ALG6: variants seen among roughly 807,000 people sequenced by gnomAD.
ALG6 encodes the protein ALG6 alpha-1,3-glucosyltransferase.
A neutral mutation model predicts 66.6 loss-of-function variants in ALG6; 46 were observed. The ratio of observed to expected loss-of-function variants is 0.69; its 90% CI spans 0.55 to 0.88. The LOEUF (loss-of-function observed/expected upper bound fraction) is 0.88. Among genes scored for constraint, ALG6 ranks in the 40% least tolerant of loss-of-function variants. The pLI is 0.00. For missense variants in ALG6, 505 were observed against 586.8 expected (o/e 0.86, Z 1.44); for synonymous variants, 185 against 203.7 (o/e 0.91, Z 0.78).
chr1:63,409,670 G>A (rs992508600), intron 7 of ALG6, among the ~76,000 whole-genome samples: 1 of 151,532 alleles, frequency 6.6e-6, no homozygotes, highest in African/African-American at 2.4e-5. Context: ...CTTTCATTTC[G>A]ATTCTTTTTC....
intron 2 of ALG6, among the ~76,000 whole-genome samples, chr1:63,382,174 A>T (rs1396385405): frequency 2.7e-5 from 4 of 150,372 alleles, no homozygotes; most frequent in Non-Finnish European, 4.4e-5. Context: ...TAAAAATTTT[A>T]TTTATATTTT....
At chr1:63,384,975 A>G (rs562597038) in intron 2 of ALG6, among the ~76,000 whole-genome samples, 1 of 152,202 alleles carries the variant, frequency 6.6e-6, no homozygotes, top group South Asian at 2.1e-4. Context: ...TTGTGGTTCC[A>G]TATAAATTTT....
intron 2 of ALG6, among the ~76,000 whole-genome samples, chr1:63,388,204 C>T (rs1467152655): frequency 7.2e-5 from 11 of 152,056 alleles, no homozygotes; most frequent in Admixed American, 7.2e-4. Flanking sequence ...CAGGCATGAG[C>T]CACCGCGCCT....
At chr1:63,432,058 G>C (rs536077504) in intron 14 of ALG6, among the ~76,000 whole-genome samples, 126 of 152,270 alleles carry the variant, frequency 8.3e-4, no homozygotes, top group African/African-American at 2.5e-3. Flanking sequence ...GGTAACAAGA[G>C]TGGACATCTT....
rs1373851892 is a variant in ALG6, at chr1:63,424,775, T to C, written c.1059-3958T>C. ...ATGTCTTTGATCCATTTTGAGTTAA[T>C]TTTTTTTTTTTTTTTTTTTTTGAGA... On this transcript the variant is annotated intron_variant, in intron 12 of 14. Coordinates refer to ENST00000263440, the MANE Select transcript of ALG6 (RefSeq NM_013339.4). Among the ~76,000 whole-genome samples, 8 of 44,210 alleles carry C rather than the reference T, an allele frequency of 1.8e-4. No homozygotes were observed. The South Asian group carries it at 7.1e-3, about 39-fold the overall frequency. 29.0% of individuals were successfully genotyped at this position (44,210 alleles called of 152,430 possible). A position where few individuals can be genotyped will look rare whatever the true frequency, so the allele number is the denominator to read the frequency against.
intron 11 of ALG6, among the ~76,000 whole-genome samples, chr1:63,417,637 C>A (rs1337750059): frequency 1.3e-5 from 2 of 152,082 alleles, no homozygotes; most frequent in Non-Finnish European, 2.9e-5. Context: ...GCATGTATAG[C>A]AGCAAAAGGA....
At position 63,402,283 on chromosome 1, in the gene ALG6, A is replaced by G. The variant is rs555324719; in HGVS notation, c.197A>G (p.Gln66Arg). ...WYFNSSDNNL[Q>R]YWGLDYPPLT... ...TTTAACAGCAGTGATAACAATTTAC[A>G]GTATTGGGGATTGGATTACCCACCT... Residue 66 changes from glutamine to arginine, a missense_variant, in exon 4 of 15, where the codon CAG becomes CGG. Physicochemically the swap from Gln to Arg is conservative, Grantham distance 43. Transcript: ENST00000263440. 7 of 1,610,434 alleles carry G rather than the reference A, an allele frequency of 4.3e-6. No individual in the cohort carries two copies. In the South Asian group the frequency reaches 7.7e-5, roughly 18 times the overall value.
chr1:63,416,984 A>G lies in ALG6; in HGVS notation c.987+1027A>G, dbSNP rs140185255. 3.2e-3 allele frequency among the ~76,000 whole-genome samples: 487 copies of G among 152,372 alleles called. 8 individuals are homozygous for G. The highest frequency in any genetic ancestry group is 0.011 in the African/African-American group (463 of 41,594). ...GGATAAAAACAAGCCAGAAAAGAAC[A>G]TAACAGCGAAATACTTCAAAAGTGC... is the stretch of plus-strand genomic sequence containing the variant. On this transcript the variant is annotated intron_variant, in intron 11 of 14. Transcript: ENST00000263440.
intron 12 of ALG6, among the ~76,000 whole-genome samples, chr1:63,427,248 C>T (rs1473771664): frequency 2.7e-5 from 4 of 149,526 alleles, no homozygotes; most frequent in East Asian, 2.0e-4. Flanking sequence ...CTCCTGACCT[C>T]GTGATCCGCC....
At chr1:63,434,195 A>G (rs1169481576) in intron 14 of ALG6, among the ~76,000 whole-genome samples, 1 of 152,196 alleles carries the variant, frequency 6.6e-6, no homozygotes, top group Non-Finnish European at 1.5e-5. Context: ...AATCCATGAG[A>G]TGATGGTGCT....
intron 12 of ALG6, among the ~76,000 whole-genome samples, chr1:63,427,938 C>G (rs1259037066): frequency 6.6e-6 from 1 of 151,876 alleles, no homozygotes; most frequent in East Asian, 1.9e-4. Flanking sequence ...TCCCAAGTAG[C>G]TGGGATTACA....
At chr1:63,411,056 T>C in intron 7 of ALG6, 90 bp from the exon 8 acceptor site, 2 of 1,299,752 alleles carry the variant, frequency 1.5e-6, no homozygotes, top group Middle Eastern at 3.8e-4. Flanking sequence ...GAGCTTGCAT[T>C]TCCTAGAGCA....
Position 63,370,898 on chromosome 1 carries a change from A to G in ALG6, c.-80A>G. On this transcript the variant is annotated 5_prime_UTR_variant, in exon 2 of 15. Coordinates refer to ENST00000263440, the MANE Select transcript of ALG6 (RefSeq NM_013339.4). ...AAGTGATAACATTTCTCTGAACAAG[A>G]AAAGAAGTGATTGACCACGTTTTAA... 1 of 859,544 alleles carries G rather than the reference A, an allele frequency of 1.2e-6. No homozygotes were observed. Among genetic ancestry groups the G allele is most frequent in the Non-Finnish European group, 2.0e-6 (1 of 491,468 alleles). 53.2% of individuals were successfully genotyped at this position (859,544 alleles called of 1,614,324 possible).
At chr1:63,378,860 G>GTT (rs201657343) in intron 2 of ALG6, among the ~76,000 whole-genome samples, 6 of 128,756 alleles carry the variant, frequency 4.7e-5, no homozygotes, top group African/African-American at 1.8e-4. Flanking sequence ...TGCTTAATTT[G>GTT]TTTGTTTTTT....
chr1:63,409,373 C>G (rs1041962349), intron 7 of ALG6, among the ~76,000 whole-genome samples: 2 of 152,050 alleles, frequency 1.3e-5, no homozygotes, highest in Admixed American at 6.6e-5. Context: ...TTTGAAGACT[C>G]ATGTTCTTCT....
At chr1:63,416,025 G>T in intron 11 of ALG6, 68 bp downstream of exon 11, 2 of 1,134,484 alleles carry the variant, frequency 1.8e-6, no homozygotes, top group Non-Finnish European at 2.7e-6. Context: ...TATTTTCATG[G>T]TCTGCACAGG....
At chr1:63,379,828 A>G (rs1009275182) in intron 2 of ALG6, among the ~76,000 whole-genome samples, 3 of 151,124 alleles carry the variant, frequency 2.0e-5, no homozygotes, top group African/African-American at 7.2e-5. Context: ...AATGTTAACT[A>G]GGATTTTTAC....
At chr1:63,376,757 G>A (rs763296650) in intron 2 of ALG6, among the ~76,000 whole-genome samples, 22 of 152,122 alleles carry the variant, frequency 1.4e-4, no homozygotes, top group African/African-American at 3.1e-4. Flanking sequence ...AATGTTCTGT[G>A]TGTGCTTGAA....
chr1:63,426,586 C>G (rs958152104), intron 12 of ALG6, among the ~76,000 whole-genome samples: 3 of 152,136 alleles, frequency 2.0e-5, no homozygotes, highest in African/African-American at 7.2e-5. Context: ...CTTAGTCACC[C>G]AGGCTGGAGC....
Sources: gnomAD v4.1 joint callset for allele counts (sites outside exome capture counted in the v4.1 genomes callset) on GRCh38, gnomAD v4.1.1 for gene constraint, MANE v1.5 for transcripts, NCBI Gene and HGNC (gene_info 2026-07-23, HGNC 2026-07-21) for gene names.